PPP6R3: variants seen among roughly 807,000 people sequenced by gnomAD.
PPP6R3 encodes the protein protein phosphatase 6 regulatory subunit 3.
In PPP6R3, 38 loss-of-function variants were observed where a neutral mutation model predicts 110.7. The observed-to-expected ratio is 0.34, with a 90% CI of 0.26 to 0.45. The LOEUF (loss-of-function observed/expected upper bound fraction) is 0.45, where lower values mean the gene tolerates loss of function less well. Among genes scored for constraint, PPP6R3 ranks in the 20% least tolerant of loss-of-function variants. The probability of loss-of-function intolerance (pLI) is 1.00; values close to 1 mark genes in which losing one functional copy is unlikely to be tolerated. For missense variants in PPP6R3, 870 were observed against 1,062.4 expected (o/e 0.82, Z 2.52); for synonymous variants, 369 against 373.5 (o/e 0.99, Z 0.14).
intron 6 of PPP6R3, among the ~76,000 whole-genome samples, chr11:68,552,499 C>T (rs142321432): frequency 5.3e-4 from 80 of 152,360 alleles, no homozygotes; most frequent in African/African-American, 1.9e-3. Flanking sequence ...GTAGTTGTTA[C>T]TGTTAGCAGA....
At chr11:68,612,289 C>CT (rs1335329711) in intron 23 of PPP6R3, among the ~76,000 whole-genome samples, 2 of 152,182 alleles carry the variant, frequency 1.3e-5, no homozygotes, top group Non-Finnish European at 2.9e-5. Flanking sequence ...TTTTGGCTCA[C>CT]TGTATAACCA....
chr11:68,571,313 A>T (rs1299985563), intron 12 of PPP6R3: 11 of 656,664 alleles, frequency 1.7e-5, no homozygotes, highest in Non-Finnish European at 2.5e-5. Flanking sequence ...TTGGGGCAAA[A>T]CAAGTGAGTT....
chr11:68,572,668 AG>A (rs917992330), intron 12 of PPP6R3, among the ~76,000 whole-genome samples: 1 of 152,024 alleles, frequency 6.6e-6, no homozygotes, highest in African/African-American at 2.4e-5. Context: ...TGGACAACAT[AG>A]GGAGATCCTG....
chr11:68,476,050 C>G (rs1244638850), intron 1 of PPP6R3, among the ~76,000 whole-genome samples: 2 of 151,902 alleles, frequency 1.3e-5, no homozygotes, highest in Non-Finnish European at 2.9e-5. Context: ...TCCTCACTTC[C>G]CAGACGGGGT....
rs1555173816 is a variant in PPP6R3 at position 68,573,114 on chromosome 11, T to TATATATATATA, written c.1344-995_1344-994insATATATATATA. ...TCAGATTAATATGAGTTTACTTATTTTATATATATATATATATATATATAT... is the reference window on the plus strand; with the variant it reads ...TCAGATTAATATGAGTTTACTTATTTATATATATATATATATATATATATATATATATATAT... On this transcript the variant is annotated intron_variant, in intron 12 of 23. Coordinates refer to ENST00000393800, the MANE Select transcript of PPP6R3 (RefSeq NM_001164161.2). 1.5e-4 allele frequency among the ~76,000 whole-genome samples: 9 copies of TATATATATATA among 61,798 alleles called. No homozygotes were observed. In the East Asian group the frequency reaches 3.5e-3, roughly 24 times the overall value. 40.5% of individuals were successfully genotyped at this position (61,798 alleles called of 152,430 possible).
At chr11:68,518,694 TG>T (rs2099149084) in intron 1 of PPP6R3, among the ~76,000 whole-genome samples, 2 of 152,368 alleles carry the variant, frequency 1.3e-5, no homozygotes, top group South Asian at 4.1e-4. Context: ...CTGTTATTTT[TG>T]TTGATTGATT....
intron 16 of PPP6R3, among the ~76,000 whole-genome samples, chr11:68,588,597 A>G (rs1011949828): frequency 2.6e-5 from 4 of 151,638 alleles, no homozygotes; most frequent in South Asian, 2.1e-4. Context: ...AGCTGGGACT[A>G]CAGGTACCCG....
chr11:68,531,039 C>T (rs1389116019), intron 2 of PPP6R3, among the ~76,000 whole-genome samples: 1 of 152,104 alleles, frequency 6.6e-6, no homozygotes, highest in African/African-American at 2.4e-5. Context: ...TGAATGAAAA[C>T]CCACTGATAT....
At chr11:68,606,593 G>C (rs1940166422) in intron 22 of PPP6R3, among the ~76,000 whole-genome samples, 1 of 151,230 alleles carries the variant, frequency 6.6e-6, no homozygotes, top group Non-Finnish European at 1.5e-5. Flanking sequence ...TGGGATTACA[G>C]ATGTGAGCCA....
At chr11:68,524,236 T>C (rs1225655626) in intron 2 of PPP6R3, among the ~76,000 whole-genome samples, 2 of 152,176 alleles carry the variant, frequency 1.3e-5, no homozygotes, top group Non-Finnish European at 2.9e-5. Context: ...CACTTTTTAC[T>C]TACTGGTTCT....
At chr11:68,592,069 A>G (rs1202015946) in intron 18 of PPP6R3, among the ~76,000 whole-genome samples, 2 of 152,236 alleles carry the variant, frequency 1.3e-5, no homozygotes, top group Non-Finnish European at 2.9e-5. Context: ...AAACTTCCCA[A>G]AGGAAGGGGA....
intron 2 of PPP6R3, among the ~76,000 whole-genome samples, chr11:68,527,440 C>T (rs1326751391): frequency 6.6e-6 from 1 of 152,110 alleles, no homozygotes; most frequent in Non-Finnish European, 1.5e-5. Flanking sequence ...GGCGTCTTAC[C>T]TTCATCCCCT....
intron 1 of PPP6R3, among the ~76,000 whole-genome samples, chr11:68,506,787 T>C (rs1263607222): frequency 1.3e-5 from 2 of 152,238 alleles, no homozygotes; most frequent in Non-Finnish European, 2.9e-5. Context: ...ACCATTTGAT[T>C]GCCAAGATTC....
intron 7 of PPP6R3, among the ~76,000 whole-genome samples, chr11:68,554,916 ATTG>A (rs1280832665): frequency 6.6e-6 from 1 of 152,276 alleles, no homozygotes; most frequent in East Asian, 1.9e-4. Context: ...GTTTACTTCT[ATTG>A]TTGTTTTTAA....
At chr11:68,530,495 G>A (rs1183379077) in intron 2 of PPP6R3, among the ~76,000 whole-genome samples, 4 of 152,216 alleles carry the variant, frequency 2.6e-5, no homozygotes, top group Non-Finnish European at 4.4e-5. Flanking sequence ...TGCTCCGTAT[G>A]TTTAGGTAGC....
At chr11:68,477,905 A>AT (rs1425060469) in intron 1 of PPP6R3, among the ~76,000 whole-genome samples, 2 of 150,518 alleles carry the variant, frequency 1.3e-5, no homozygotes, top group African/African-American at 2.4e-5. Flanking sequence ...TAAAGTTTAG[A>AT]TTTTTTTGTG....
chr11:68,541,915 T>C (rs1236853187), intron 3 of PPP6R3, among the ~76,000 whole-genome samples: 1 of 152,042 alleles, frequency 6.6e-6, no homozygotes, highest in African/African-American at 2.4e-5. Context: ...GTACAGGTTC[T>C]TTGGAGGGGC....
chr11:68,615,008 T>C lies in PPP6R3; in HGVS notation c.*1891T>C, dbSNP rs376806352. The stretch of plus-strand genomic sequence containing the variant: ...CCATCCCACTGTGGCCTCTGTGGTA[T>C]GGACCTGGTGGCTTCTCCATCCTAC... On this transcript the variant is annotated 3_prime_UTR_variant, in exon 24 of 24. Coordinates refer to ENST00000393800, the MANE Select transcript of PPP6R3 (RefSeq NM_001164161.2). 30 of 532,062 alleles carry C rather than the reference T, an allele frequency of 5.6e-5. No individual in the cohort carries two copies. The East Asian group carries it at 1.3e-3, about 23-fold the overall frequency. 33.0% of individuals were successfully genotyped at this position (532,062 alleles called of 1,614,324 possible).
At chr11:68,515,987 C>T (rs1363098120) in intron 1 of PPP6R3, among the ~76,000 whole-genome samples, 4 of 152,178 alleles carry the variant, frequency 2.6e-5, no homozygotes, top group South Asian at 2.1e-4. Context: ...CAGCACCGTC[C>T]TCCATCTCCT....
Sources: gnomAD v4.1 joint callset for allele counts (sites outside exome capture counted in the v4.1 genomes callset) on GRCh38, gnomAD v4.1.1 for gene constraint, MANE v1.5 for transcripts, NCBI Gene and HGNC (gene_info 2026-07-23, HGNC 2026-07-21) for gene names.